PTPRJ: variants seen among roughly 807,000 people sequenced by gnomAD.
The protein encoded by PTPRJ is receptor-type tyrosine-protein phosphatase eta.
Under a neutral mutation model 141.3 loss-of-function variants are expected in PTPRJ, and 129 were observed. That is an observed-to-expected ratio of 0.91 (90% confidence interval 0.79 to 1.06). PTPRJ has a LOEUF of 1.06. Among genes scored for constraint, PTPRJ ranks in the 50% least tolerant of loss-of-function variants. PTPRJ has a pLI of 0.00. For missense variants in PTPRJ, 1,601 were observed against 1,679.7 expected (o/e 0.95, Z 0.82); for synonymous variants, 610 against 640.5 (o/e 0.95, Z 0.72).
intron 1 of PTPRJ, among the ~76,000 whole-genome samples, chr11:48,107,332 G>T (rs145237889): frequency 0.014 from 2,075 of 152,236 alleles, 27 homozygotes; most frequent in South Asian, 0.053. Flanking sequence ...CATCTCTAGG[G>T]CAGTTCTAGC....
intron 1 of PTPRJ, among the ~76,000 whole-genome samples, chr11:48,012,824 G>T (rs1250448331): frequency 6.6e-6 from 1 of 152,110 alleles, no homozygotes; most frequent in East Asian, 1.9e-4. Context: ...ACAGTTCAAG[G>T]TTAGGCACGG....
chr11:48,144,508 T>C (rs554763177), intron 12 of PTPRJ, among the ~76,000 whole-genome samples, 167 bp from the exon 13 acceptor site: 1 of 152,362 alleles, frequency 6.6e-6, no homozygotes, highest in Admixed American at 6.5e-5. Context: ...TGAGTTACTG[T>C]AGGTGAAACC....
At chr11:48,128,108 A>C (rs762600759) in intron 7 of PTPRJ, 65 bp downstream of exon 7, 22 of 1,529,350 alleles carry the variant, frequency 1.4e-5, no homozygotes, top group Middle Eastern at 1.8e-4. Context: ...GCCCAGACAC[A>C]GGATGCATGA....
At position 48,164,558 on chromosome 11, in the gene PTPRJ, A is replaced by ATTTTTT. The variant is rs60806872; in HGVS notation, c.3855+64_3855+69dup. The ATTTTTT allele has an allele frequency of 6.7e-4, 516 of 774,186 alleles. 12 individuals carry two copies. Among genetic ancestry groups the ATTTTTT allele is most frequent in the East Asian group, 1.3e-3 (23 of 17,186 alleles). The allele number at this position is 774,186 out of a possible 1,614,324, so 48.0% of individuals were successfully genotyped here. On this transcript the variant is annotated intron_variant, in intron 24 of 24. Transcript: ENST00000418331. ...ATTTGACATTCCACCCTTCCCCTCC[A>ATTTTTT]TTTTTTTTTTTTTTTTTTTTTTTTT...
At chr11:48,141,448 T>C (rs1857226853) in intron 11 of PTPRJ, among the ~76,000 whole-genome samples, 2 of 152,068 alleles carry the variant, frequency 1.3e-5, no homozygotes, top group South Asian at 4.2e-4. Flanking sequence ...AGACCAACTC[T>C]GGGAAAAATG....
intron 22 of PTPRJ, among the ~76,000 whole-genome samples, chr11:48,161,198 A>AAAAAAAG: frequency 6.6e-6 from 1 of 150,904 alleles, no homozygotes; most frequent in South Asian, 2.1e-4. Flanking sequence ...AAAAAAAAAA[A>AAAAAAAG]GATAAATAAG....
intron 4 of PTPRJ, among the ~76,000 whole-genome samples, chr11:48,123,317 T>C (rs1246079852): frequency 1.3e-5 from 2 of 152,228 alleles, no homozygotes; most frequent in Non-Finnish European, 2.9e-5. Context: ...GTCCAGTCAC[T>C]ATTGGGGTTA....
At chr11:48,020,988 T>C (rs1378141971) in intron 1 of PTPRJ, among the ~76,000 whole-genome samples, 1 of 152,254 alleles carries the variant, frequency 6.6e-6, no homozygotes, top group Non-Finnish European at 1.5e-5. Context: ...GATTTATTTT[T>C]ATTTTTCTTA....
intron 1 of PTPRJ, among the ~76,000 whole-genome samples, chr11:48,078,523 A>C (rs1855471761): frequency 6.6e-6 from 1 of 152,180 alleles, no homozygotes; most frequent in African/African-American, 2.4e-5. Context: ...ATTAAAGTGG[A>C]ACTTTTAGGA....
intron 1 of PTPRJ, among the ~76,000 whole-genome samples, chr11:48,035,109 G>T (rs532578809): frequency 6.6e-6 from 1 of 152,150 alleles, no homozygotes; most frequent in Admixed American, 6.5e-5. Context: ...GGTGATTCAC[G>T]GCACCTGGCT....
intron 3 of PTPRJ, among the ~76,000 whole-genome samples, chr11:48,114,213 T>C (rs1481353237): frequency 2.0e-5 from 3 of 151,808 alleles, no homozygotes; most frequent in African/African-American, 7.3e-5. Flanking sequence ...CTAAGGTGGG[T>C]GATCACCTGA....
At chr11:47,981,957 C>G (rs1389336532) in intron 1 of PTPRJ, among the ~76,000 whole-genome samples, 1 of 152,206 alleles carries the variant, frequency 6.6e-6, no homozygotes. Context: ...CCTTGCTGTG[C>G]GTTTCTGCAA....
chr11:48,162,850 A>G (rs1857820693), intron 22 of PTPRJ, among the ~76,000 whole-genome samples: 1 of 152,094 alleles, frequency 6.6e-6, no homozygotes, highest in Non-Finnish European at 1.5e-5. Context: ...TGTCTTTCAG[A>G]TGTTGAAATG....
At chr11:48,127,749 G>C (rs1161525373) in intron 6 of PTPRJ, 31 bp from the exon 7 acceptor site, 1 of 1,607,320 alleles carries the variant, frequency 6.2e-7, no homozygotes, top group Non-Finnish European at 8.5e-7. Context: ...GGCCGTTCTG[G>C]TTATTTTGAA....
At chr11:48,035,538 C>CTTTTTTTTTTTTT (rs66504227) in intron 1 of PTPRJ, among the ~76,000 whole-genome samples, 7 of 61,740 alleles carry the variant, frequency 1.1e-4, no homozygotes, top group Admixed American at 2.5e-4. Context: ...CTTTCTTCTT[C>CTTTTTTTTTTTTT]TTTTTTTTTT....
At chr11:48,066,828 C>T (rs530255966) in intron 1 of PTPRJ, among the ~76,000 whole-genome samples, 10 of 152,146 alleles carry the variant, frequency 6.6e-5, no homozygotes, top group African/African-American at 2.2e-4. Flanking sequence ...TCAGGTGATC[C>T]GCCTGCCTCG....
At chr11:48,069,088 C>T (rs1855163038) in intron 1 of PTPRJ, among the ~76,000 whole-genome samples, 1 of 151,376 alleles carries the variant, frequency 6.6e-6, no homozygotes, top group Non-Finnish European at 1.5e-5. Context: ...AGATGTGTAC[C>T]CATTTTCAAA....
At chr11:48,091,147 C>T (rs1028317033) in intron 1 of PTPRJ, among the ~76,000 whole-genome samples, 2 of 152,058 alleles carry the variant, frequency 1.3e-5, no homozygotes, top group African/African-American at 2.4e-5. Context: ...AGGAGGAAGG[C>T]GGGGCAATGT....
chr11:48,115,190 C>G, intron 3 of PTPRJ, among the ~76,000 whole-genome samples: 1 of 152,038 alleles, frequency 6.6e-6, no homozygotes, highest in Non-Finnish European at 1.5e-5. Context: ...ATATAAATAT[C>G]CAGGTACAGG....
Sources: allele counts gnomAD v4.1 joint callset (sites outside exome capture counted in the v4.1 genomes callset), GRCh38; gene constraint gnomAD v4.1.1; transcripts MANE v1.5; gene names NCBI Gene and HGNC (gene_info 2026-07-23, HGNC 2026-07-21).